CRACD: variants seen among roughly 807,000 people sequenced by gnomAD.
CRACD encodes capping protein-inhibiting regulator of actin dynamics.
CRACD carries 56 observed loss-of-function variants against 106.8 expected under a neutral mutation model. The observed-to-expected ratio is 0.52, with a 90% CI of 0.42 to 0.66. The LOEUF (loss-of-function observed/expected upper bound fraction) is 0.66, where lower values mean the gene tolerates loss of function less well. CRACD is among the 30% of genes least tolerant of loss of function. CRACD has a pLI of 0.00. For synonymous variants in CRACD, 754 were observed against 670.8 expected, an observed-to-expected ratio of 1.12 and a Z score of -1.92; for missense variants, 1,730 against 1,623.2, an observed-to-expected ratio of 1.07 and a Z score of -1.13.
intron 2 of CRACD, among the ~76,000 whole-genome samples, chr4:56,205,142 T>C (rs1738060306): frequency 6.6e-6 from 1 of 152,004 alleles, no homozygotes; most frequent in South Asian, 2.1e-4. Flanking sequence ...GGCAACAGAG[T>C]AAGACCCTGT....
intron 1 of CRACD, among the ~76,000 whole-genome samples, chr4:56,066,728 C>T (rs1732477229): frequency 6.6e-6 from 1 of 152,090 alleles, no homozygotes; most frequent in Non-Finnish European, 1.5e-5. Context: ...TTAGCTCTCC[C>T]CACCACACCA....
intron 2 of CRACD, among the ~76,000 whole-genome samples, chr4:56,263,018 G>A (rs1458039430): frequency 1.3e-5 from 2 of 152,150 alleles, no homozygotes; most frequent in African/African-American, 4.8e-5. Context: ...GGGTGTTGCA[G>A]ATGCAGAGAC....
chr4:56,269,562 CTTTT>C (rs56162079), intron 2 of CRACD, among the ~76,000 whole-genome samples: 9 of 112,114 alleles, frequency 8.0e-5, no homozygotes, highest in East Asian at 2.5e-4. Flanking sequence ...AGGTGCCACA[CTTTT>C]TTTTTTTTTT....
chr4:56,065,351 G>C (rs1271802926), intron 1 of CRACD, among the ~76,000 whole-genome samples: 2 of 152,152 alleles, frequency 1.3e-5, no homozygotes, highest in Non-Finnish European at 2.9e-5. Context: ...GCCTCCCAGA[G>C]TGCTGGGATT....
intron 1 of CRACD, among the ~76,000 whole-genome samples, chr4:56,117,574 G>T (rs1043187985): frequency 6.6e-6 from 1 of 152,108 alleles, no homozygotes; most frequent in Non-Finnish European, 1.5e-5. Flanking sequence ...TTTCAGTTTT[G>T]CAGGATGAAA....
At chr4:56,270,929 C>G (rs1742314176) in intron 2 of CRACD, among the ~76,000 whole-genome samples, 1 of 151,206 alleles carries the variant, frequency 6.6e-6, no homozygotes, top group Non-Finnish European at 1.5e-5. Context: ...TAAACACACA[C>G]ACACACACAC....
At chr4:56,317,469 A>C (rs79129663) in intron 8 of CRACD, among the ~76,000 whole-genome samples, 3,824 of 152,342 alleles carry the variant, frequency 0.025, 77 homozygotes, top group Non-Finnish European at 0.034. Context: ...AGGTGCCAAC[A>C]GTTAGATGAA....
chr4:56,240,152 G>T (rs745920057), intron 2 of CRACD, among the ~76,000 whole-genome samples: 5 of 151,888 alleles, frequency 3.3e-5, no homozygotes, highest in Non-Finnish European at 5.9e-5. Flanking sequence ...ACTTTTCCTT[G>T]TCCCAAAAGG....
intron 3 of CRACD, among the ~76,000 whole-genome samples, chr4:56,285,764 T>C (rs1393824840): frequency 6.6e-6 from 1 of 152,160 alleles, no homozygotes; most frequent in Non-Finnish European, 1.5e-5. Context: ...GTTTTACATA[T>C]CATAAATTTA....
chr4:56,310,833 A>G (rs1336160380), intron 6 of CRACD, 99 bp downstream of exon 6: 5 of 670,634 alleles, frequency 7.5e-6, no homozygotes, highest in African/African-American at 6.8e-5. Flanking sequence ...CTCATTTTCC[A>G]TTCATAAATG....
chr4:56,070,750 T>G (rs934726035), intron 1 of CRACD, among the ~76,000 whole-genome samples: 1 of 152,072 alleles, frequency 6.6e-6, no homozygotes, highest in African/African-American at 2.4e-5. Context: ...TCAAACACTT[T>G]TAGCTTCCAG....
In CRACD at chr4:56,323,234, A is replaced by T; in HGVS notation, c.3188-143A>T. The T allele has an allele frequency of 4.8e-6, 3 of 619,766 alleles. No homozygotes were observed. The South Asian group carries it at 7.5e-5, about 15-fold the overall frequency. 38.4% of individuals were successfully genotyped at this position (619,766 alleles called of 1,614,324 possible). ...TCCCACCCAGTGGAGCCACTCAGGCATCAGCACAGAGGTTGTGCTAGGAAG... is the reference window on the plus strand; with the variant it reads ...TCCCACCCAGTGGAGCCACTCAGGCTTCAGCACAGAGGTTGTGCTAGGAAG... On this transcript the variant is annotated intron_variant, in intron 8 of 10. Transcript: ENST00000682029.
At chr4:56,049,943 G>A (rs1731813545) in intron 1 of CRACD, 1 of 152,004 alleles carries the variant, frequency 6.6e-6, no homozygotes, top group Admixed American at 6.6e-5. Flanking sequence ...TGGTTTTCCT[G>A]GCACTATAAC....
chr4:56,088,789 G>A (rs1304545983), intron 1 of CRACD, among the ~76,000 whole-genome samples: 1 of 150,414 alleles, frequency 6.6e-6, no homozygotes, highest in Non-Finnish European at 1.5e-5. Context: ...GCAGCAGCGT[G>A]AGCGTGGCTC....
intron 1 of CRACD, among the ~76,000 whole-genome samples, chr4:56,090,331 C>T (rs570760226): frequency 6.6e-6 from 1 of 152,070 alleles, no homozygotes; most frequent in African/African-American, 2.4e-5. Flanking sequence ...TATACCCAGG[C>T]GTTCCTGTGG....
intron 3 of CRACD, among the ~76,000 whole-genome samples, chr4:56,286,638 G>T (rs2109687917): frequency 6.6e-6 from 1 of 151,902 alleles, no homozygotes; most frequent in South Asian, 2.1e-4. Context: ...ATAGAGTGGA[G>T]GTAAAACCAG....
At chr4:56,109,482 T>G (rs930584065) in intron 1 of CRACD, among the ~76,000 whole-genome samples, 2 of 152,146 alleles carry the variant, frequency 1.3e-5, no homozygotes, top group African/African-American at 4.8e-5. Flanking sequence ...GGATACTGGC[T>G]TGGATTCTGG....
intron 1 of CRACD, among the ~76,000 whole-genome samples, chr4:56,149,264 C>T (rs1735504946): frequency 6.6e-6 from 1 of 152,130 alleles, no homozygotes; most frequent in South Asian, 2.1e-4. Flanking sequence ...CCAGTGCTGC[C>T]AATTGATCTC....
intron 1 of CRACD, among the ~76,000 whole-genome samples, chr4:56,161,738 G>C (rs1387835456): frequency 6.7e-6 from 1 of 148,862 alleles, no homozygotes. Context: ...GGGATTACAG[G>C]CATGAGCCAC....
Sources: gnomAD v4.1 joint callset for allele counts (sites outside exome capture counted in the v4.1 genomes callset) on GRCh38, gnomAD v4.1.1 for gene constraint, MANE v1.5 for transcripts, NCBI Gene and HGNC (gene_info 2026-07-23, HGNC 2026-07-21) for gene names.